Variants in SGCD observed in about 807,000 individuals in gnomAD.
SGCD encodes the protein sarcoglycan delta, also known as delta-sarcoglycan.
A neutral mutation model predicts 36.6 loss-of-function variants in SGCD; 18 were observed. The ratio of observed to expected loss-of-function variants is 0.49; its 90% confidence interval spans 0.34 to 0.73. The LOEUF (loss-of-function observed/expected upper bound fraction) is 0.73. Among genes scored for constraint, SGCD ranks in the 30% least tolerant of loss-of-function variants. The pLI is 0.01. For missense variants in SGCD, 387 were observed against 346.7 expected (o/e 1.12, Z -0.92); for synonymous variants, 133 against 130.6 (o/e 1.02, Z -0.12).
intron 6 of SGCD, among the ~76,000 whole-genome samples, chr5:156,631,460 CT>C (rs139512555): frequency 2.0e-3 from 272 of 136,252 alleles, no homozygotes; most frequent in Admixed American, 4.2e-3. Flanking sequence ...TTGACACTTG[CT>C]TTTTTTTTTT....
chr5:155,988,797 C>T lies in SGCD; in HGVS notation c.-282+118373C>T, dbSNP rs571898774. On this transcript the variant is annotated intron_variant, in intron 1 of 9. Coordinates refer to the SGCD transcript ENST00000517913. ...AATGGTAATGGTAATAATGACACCA[C>T]GGGATAAATGTGAGACTTAAGTGAA... is the stretch of plus-strand genomic sequence containing the variant. Among the ~76,000 whole-genome samples the T allele has an allele frequency of 6.6e-5, 10 of 152,234 alleles. No homozygotes were observed. In the South Asian group the frequency reaches 1.2e-3, roughly 19 times the overall value.
chr5:155,900,666 T>A (rs1711995021), intron 1 of SGCD, among the ~76,000 whole-genome samples: 2 of 149,196 alleles, frequency 1.3e-5, no homozygotes, highest in African/African-American at 4.9e-5. Flanking sequence ...TGAGTGAGAA[T>A]ATGCTTTTTA....
intron 1 of SGCD, among the ~76,000 whole-genome samples, chr5:156,021,021 T>C (rs747297505): frequency 6.6e-6 from 1 of 152,224 alleles, no homozygotes. Flanking sequence ...ATCCACAAAT[T>C]GTCTTTGCAA....
chr5:156,091,508 CTG>C (rs1761242884), intron 1 of SGCD, among the ~76,000 whole-genome samples: 1 of 152,190 alleles, frequency 6.6e-6, no homozygotes, highest in Non-Finnish European at 1.5e-5. Context: ...ATACCCAGTT[CTG>C]TGTTTTCCAC....
At chr5:156,190,761 C>T (rs2127632313) in intron 3 of SGCD, among the ~76,000 whole-genome samples, 1 of 152,078 alleles carries the variant, frequency 6.6e-6, no homozygotes, top group Non-Finnish European at 1.5e-5. Flanking sequence ...TGGTAGTTTC[C>T]ACTTCAAAGT....
At chr5:156,699,073 T>C (rs1199259594) in intron 7 of SGCD, among the ~76,000 whole-genome samples, 3 of 152,322 alleles carry the variant, frequency 2.0e-5, no homozygotes, top group East Asian at 3.9e-4. Context: ...CTGTGTGGCA[T>C]CCCGTGACTC....
chr5:155,844,928 G>T, the SGCD span, among the ~76,000 whole-genome samples: 1 of 152,086 alleles, frequency 6.6e-6, no homozygotes, highest in African/African-American at 2.4e-5. Context: ...TGCAGAACGT[G>T]CAGTTTTGTT....
chr5:155,965,634 C>T lies in SGCD; in HGVS notation c.-282+95210C>T, dbSNP rs188248349. On this transcript the variant is annotated intron_variant, in intron 1 of 9. Coordinates refer to the SGCD transcript ENST00000517913. ...AGAAGGTATGCTGAGTGCAGTTACT[C>T]CCTGGTGCTGTGCTCCTTGAGGTTA... Among the ~76,000 whole-genome samples the T allele has an allele frequency of 4.0e-3, 602 of 152,160 alleles. 5 individuals are homozygous for T. The highest frequency in any genetic ancestry group is 0.014 in the African/African-American group (567 of 41,540).
intron 3 of SGCD, among the ~76,000 whole-genome samples, chr5:156,313,336 T>A (rs1194961387): frequency 6.6e-6 from 1 of 152,176 alleles, no homozygotes; most frequent in Admixed American, 6.5e-5. Flanking sequence ...TAATTTGTAC[T>A]TGATTTCTCA....
intron 1 of SGCD, among the ~76,000 whole-genome samples, chr5:155,892,855 C>T (rs1756168429): frequency 6.6e-6 from 1 of 152,136 alleles, no homozygotes; most frequent in Non-Finnish European, 1.5e-5. Flanking sequence ...GTACGCCAGA[C>T]ACTGAAAGAC....
rs1202142220 is a variant in SGCD at position 156,078,571 on chromosome 5, ATT to A, written c.-281-39305_-281-39304del. ...TATATATATTTATATTTATATATAT[ATT>A]TATATTTATATATATTTATATTTAT... On this transcript the variant is annotated intron_variant, in intron 1 of 9. Transcript: ENST00000517913. Among the ~76,000 whole-genome samples, 88 of 95,432 alleles carry A rather than the reference ATT, an allele frequency of 9.2e-4. 1 individual carries two copies. In the African/African-American group the frequency reaches 9.2e-3, roughly 10 times the overall value. The allele number at this position is 95,432 out of a possible 152,430, so 62.6% of individuals were successfully genotyped here.
chr5:156,577,611 C>T (rs1760027484), intron 4 of SGCD, among the ~76,000 whole-genome samples: 1 of 152,160 alleles, frequency 6.6e-6, no homozygotes. Context: ...GTTTGTAGTT[C>T]TCCTTGAAGA....
chr5:155,727,906 G>C, the SGCD span, among the ~76,000 whole-genome samples: 7 of 152,328 alleles, frequency 4.6e-5, no homozygotes, highest in Non-Finnish European at 1.0e-4. Flanking sequence ...CCCGGGAGTG[G>C]AGAGGGGGCT....
chr5:155,823,255 A>G, the SGCD span, among the ~76,000 whole-genome samples: 1 of 150,160 alleles, frequency 6.7e-6, no homozygotes, highest in Non-Finnish European at 1.5e-5. Flanking sequence ...GGTGTAATTC[A>G]GTCCTACAGC....
chr5:155,963,271 C>T (rs188050679), intron 1 of SGCD, among the ~76,000 whole-genome samples: 101 of 152,246 alleles, frequency 6.6e-4, no homozygotes, highest in African/African-American at 2.2e-3. Context: ...ATATTCCACA[C>T]ACTGGCAGCA....
intron 7 of SGCD, among the ~76,000 whole-genome samples, chr5:156,650,056 C>G (rs1763403368): frequency 6.6e-6 from 1 of 152,046 alleles, no homozygotes; most frequent in Non-Finnish European, 1.5e-5. Flanking sequence ...AAAAAGACAA[C>G]TCTCCAAGCA....
intron 4 of SGCD, among the ~76,000 whole-genome samples, chr5:156,547,710 G>C (rs1222882249): frequency 6.6e-6 from 1 of 152,070 alleles, no homozygotes. Flanking sequence ...CCAAAGTGCT[G>C]GGATTACAGG....
intron 4 of SGCD, among the ~76,000 whole-genome samples, chr5:156,558,088 A>AATGTGTATATATATAT (rs1330398244): frequency 2.1e-5 from 2 of 95,592 alleles, no homozygotes; most frequent in Admixed American, 1.1e-4. Flanking sequence ...AGTAAATACA[A>AATGTGTATATATATAT]ATATATATAT....
chr5:156,370,127 G>A (rs1237531488), intron 3 of SGCD, among the ~76,000 whole-genome samples: 1 of 152,146 alleles, frequency 6.6e-6, no homozygotes, highest in African/African-American at 2.4e-5. Flanking sequence ...CAAGTTTAAG[G>A]TCGCAGATTC....
Sources: allele counts gnomAD v4.1 joint callset (sites outside exome capture counted in the v4.1 genomes callset), GRCh38; gene constraint gnomAD v4.1.1; transcripts MANE v1.5; gene names NCBI Gene and HGNC (gene_info 2026-07-23, HGNC 2026-07-21).